The following KIAA0586 variants were observed in gnomAD, a reference collection of about 807,000 sequenced individuals.
KIAA0586 encodes KIAA0586.
Under a neutral mutation model 169.8 loss-of-function variants are expected in KIAA0586, and 144 were observed. The ratio of observed to expected loss-of-function variants is 0.85; its 90% CI spans 0.74 to 0.97. The LOEUF is 0.97. Ranked by LOEUF, KIAA0586 falls within the 50% of genes least tolerant of loss-of-function variation. The probability of loss-of-function intolerance (pLI) is 0.00; values close to 1 mark genes in which losing one functional copy is unlikely to be tolerated. For missense variants in KIAA0586, 1,854 were observed against 1,823.0 expected (o/e 1.02, Z -0.31); for synonymous variants, 625 against 612.4 (o/e 1.02, Z -0.30).
At chr14:58,489,459 A>T (rs1277384010) in intron 24 of KIAA0586, among the ~76,000 whole-genome samples, 1 of 151,986 alleles carries the variant, frequency 6.6e-6, no homozygotes, top group East Asian at 1.9e-4. Context: ...AGCTCAAGTG[A>T]TCCACCCGTC....
intron 29 of KIAA0586, among the ~76,000 whole-genome samples, chr14:58,525,727 G>A (rs575194042): frequency 3.8e-4 from 58 of 152,266 alleles, no homozygotes; most frequent in African/African-American, 1.2e-3. Context: ...TGCTCCCCTC[G>A]AAACAGGGCT....
chr14:58,538,010 TG>T (rs1354366927), intron 29 of KIAA0586, among the ~76,000 whole-genome samples: 1 of 152,146 alleles, frequency 6.6e-6, no homozygotes, highest in Non-Finnish European at 1.5e-5. Context: ...GAGCTGGGCA[TG>T]GTGACAGACA....
At chr14:58,525,977 A>G (rs1043608812) in intron 29 of KIAA0586, among the ~76,000 whole-genome samples, 1 of 152,192 alleles carries the variant, frequency 6.6e-6, no homozygotes, top group Admixed American at 6.5e-5. Context: ...ACCATGTCTC[A>G]GCAAAGCCGC....
At chr14:58,488,297 T>C (rs1212975662) in intron 23 of KIAA0586, among the ~76,000 whole-genome samples, 188 bp downstream of exon 23, 1 of 152,200 alleles carries the variant, frequency 6.6e-6, no homozygotes, top group Non-Finnish European at 1.5e-5. Flanking sequence ...CCTTTTTTCT[T>C]AAAAGGTTTG....
chr14:58,455,511 T>G (rs777944209), intron 9 of KIAA0586, among the ~76,000 whole-genome samples: 3 of 152,206 alleles, frequency 2.0e-5, no homozygotes, highest in Non-Finnish European at 2.9e-5. Flanking sequence ...TTGTTGCTGT[T>G]TGTTTAGTGA....
At chr14:58,479,779 A>G (rs966866201) in intron 20 of KIAA0586, among the ~76,000 whole-genome samples, 2 of 152,136 alleles carry the variant, frequency 1.3e-5, no homozygotes, top group East Asian at 3.8e-4. Context: ...CCATTTGTTG[A>G]AAAGATTATC....
At chr14:58,497,093 G>C (rs765908858) in intron 26 of KIAA0586, among the ~76,000 whole-genome samples, 47 of 151,528 alleles carry the variant, frequency 3.1e-4, no homozygotes, top group Non-Finnish European at 6.3e-4. Flanking sequence ...TTCTGCTTCA[G>C]CCTCTCGAGT....
rs1478491596 is a variant in KIAA0586, at chr14:58,543,791, G to A, written c.4495+3655G>A. ...GCCAAGGATCATTAGTTCTTCTATG[G>A]ACTATTTTTATAGATCCGTCTCCCG... is the stretch of plus-strand genomic sequence containing the variant. On this transcript the variant is annotated intron_variant, in intron 30 of 30. Coordinates refer to ENST00000652326, the MANE Select transcript of KIAA0586 (RefSeq NM_001329943.3). The A allele has an allele frequency of 1.8e-5, 7 of 398,020 alleles. No homozygotes were observed. In the East Asian group the frequency reaches 5.1e-4, roughly 29 times the overall value. 24.7% of individuals were successfully genotyped at this position (398,020 alleles called of 1,614,324 possible). A position where few individuals can be genotyped will look rare whatever the true frequency, so the allele number is the denominator to read the frequency against.
intron 29 of KIAA0586, among the ~76,000 whole-genome samples, chr14:58,528,138 C>T (rs930211358): frequency 2.6e-5 from 4 of 152,106 alleles, no homozygotes; most frequent in African/African-American, 7.2e-5. Context: ...GGGATCAATG[C>T]GACAAGAAGA....
intron 8 of KIAA0586, among the ~76,000 whole-genome samples, chr14:58,452,356 TTAAAC>T (rs1380295833): frequency 6.6e-6 from 1 of 152,186 alleles, no homozygotes. Flanking sequence ...AAGTGAAATA[TTAAAC>T]TAAACACTTT....
intron 4 of KIAA0586, among the ~76,000 whole-genome samples, chr14:58,435,116 A>G (rs1405186354): frequency 6.6e-6 from 1 of 152,062 alleles, no homozygotes; most frequent in African/African-American, 2.4e-5. Flanking sequence ...CTTGATCTTT[A>G]CAAAAGCCTA....
rs148175484 is a variant in KIAA0586 at position 58,461,471 on chromosome 14, A to G, written c.2059+311A>G. Among the ~76,000 whole-genome samples the G allele has an allele frequency of 1.7e-3, 266 of 152,066 alleles. 1 individual carries two copies. Among genetic ancestry groups the G allele is most frequent in the African/African-American group, 5.8e-3 (240 of 41,482 alleles). ...TTTTTTTTAGACAAGGTCTCACCCT[A>G]TCCCCCAGGCTGGAATGCAGTGGCA... On this transcript the variant is annotated intron_variant, in intron 14 of 30. Transcript: ENST00000652326.
At chr14:58,480,963 T>C (rs1319741834) in intron 20 of KIAA0586, among the ~76,000 whole-genome samples, 1 of 152,244 alleles carries the variant, frequency 6.6e-6, no homozygotes, top group Admixed American at 6.5e-5. Context: ...GCTTTTGTTT[T>C]GCCAGTGTCT....
At chr14:58,533,530 AC>A (rs1489648761) in intron 29 of KIAA0586, among the ~76,000 whole-genome samples, 26 of 152,212 alleles carry the variant, frequency 1.7e-4, no homozygotes, top group African/African-American at 6.0e-4. Context: ...CAGGGGCCTG[AC>A]TTTGTTGAAT....
intron 18 of KIAA0586, among the ~76,000 whole-genome samples, chr14:58,473,406 T>C (rs1010802538): frequency 1.3e-5 from 2 of 152,218 alleles, no homozygotes; most frequent in Admixed American, 1.3e-4. Context: ...TTTAAACACA[T>C]ATGATTTTTT....
chr14:58,561,740 A>G, the KIAA0586 span, among the ~76,000 whole-genome samples: 34 of 152,220 alleles, frequency 2.2e-4, no homozygotes, highest in African/African-American at 8.2e-4. Flanking sequence ...TTTCACATCT[A>G]TATGAACATA....
At chr14:58,528,070 A>G (rs1055368058) in intron 29 of KIAA0586, among the ~76,000 whole-genome samples, 2 of 152,206 alleles carry the variant, frequency 1.3e-5, no homozygotes, top group Non-Finnish European at 2.9e-5. Flanking sequence ...TCTCTGATAA[A>G]ACAGACTAAA....
chr14:58,561,347 A>C, the KIAA0586 span, among the ~76,000 whole-genome samples: 42 of 152,356 alleles, frequency 2.8e-4, no homozygotes, highest in African/African-American at 1.0e-3. Context: ...TTAAAGAAAA[A>C]ATGAACATCT....
intron 27 of KIAA0586, 23 bp downstream of exon 27, chr14:58,498,983 T>G (rs1310910944): frequency 9.0e-6 from 14 of 1,563,624 alleles, no homozygotes; most frequent in Non-Finnish European, 1.2e-5. Flanking sequence ...ATATTTTTTC[T>G]TGATGTGTCA....
Sources: gnomAD v4.1 joint callset for allele counts (sites outside exome capture counted in the v4.1 genomes callset) on GRCh38, gnomAD v4.1.1 for gene constraint, MANE v1.5 for transcripts, NCBI Gene and HGNC (gene_info 2026-07-23, HGNC 2026-07-21) for gene names.